IPO11: variants seen among roughly 807,000 people sequenced by gnomAD.
IPO11 encodes the protein importin-11.
In IPO11, 66 loss-of-function variants were observed where a neutral mutation model predicts 143.2. That is an observed-to-expected ratio of 0.46 (90% CI 0.38 to 0.57). The LOEUF (loss-of-function observed/expected upper bound fraction) is 0.57, where lower values mean the gene tolerates loss of function less well. IPO11 is among the 20% of genes least tolerant of loss of function. IPO11 has a pLI of 0.00. For synonymous variants in IPO11, 385 were observed against 377.8 expected, an observed-to-expected ratio of 1.02 and a Z score of -0.22; for missense variants, 1,026 against 1,141.0, an observed-to-expected ratio of 0.90 and a Z score of 1.45.
At chr5:62,610,015 G>T (rs1745872221) in intron 29 of IPO11, among the ~76,000 whole-genome samples, 1 of 152,218 alleles carries the variant, frequency 6.6e-6, no homozygotes, top group African/African-American at 2.4e-5. Flanking sequence ...GCACTGCCTA[G>T]CTCTCAGGAG....
At chr5:62,590,428 C>T (rs1744966729) in intron 27 of IPO11, among the ~76,000 whole-genome samples, 1 of 152,054 alleles carries the variant, frequency 6.6e-6, no homozygotes, top group Non-Finnish European at 1.5e-5. Context: ...TGTTTAGTCT[C>T]TTAAATTACC....
chr5:62,536,702 A>G lies in IPO11; in HGVS notation c.2090A>G (p.Glu697Gly). 1 of 1,574,452 alleles carries G rather than the reference A, an allele frequency of 6.4e-7. No homozygotes were observed. Among genetic ancestry groups the G allele is most frequent in the Non-Finnish European group, 8.6e-7 (1 of 1,167,186 alleles). Residue 697 changes from glutamate (E) to glycine (G), a missense_variant and splice_region_variant, in exon 23 of 30, where the codon GAA becomes GGA. Glu to Gly is a moderately conservative substitution (Grantham distance 98). Transcript: ENST00000325324. The part of the protein sequence containing the change: ...RIFQNMSPLL[E>G]LSSENLRTCF... ...TGTTTGACATTTATTGTTTTGGCAG[A>G]ACTAAGTTCAGAAAATCTTAGAACT...
Position 62,522,612 on chromosome 5 carries a change from G to A in IPO11, c.1897-3530G>A, listed in dbSNP as rs139335842. ...AATTGTGTGTTTTTCTTTTAGGATG[G>A]TCTGGTTGGGTTTTGTAGGAGAATG... is the stretch of plus-strand genomic sequence containing the variant. On this transcript the variant is annotated intron_variant, in intron 20 of 29. Coordinates refer to ENST00000325324, the MANE Select transcript of IPO11 (RefSeq NM_016338.5). Among the ~76,000 whole-genome samples, 607 of 152,196 alleles carry A rather than the reference G, an allele frequency of 4.0e-3. 9 individuals are homozygous for A. Among genetic ancestry groups the A allele is most frequent in the African/African-American group, 0.014 (592 of 41,528 alleles).
chr5:62,483,806 T>C (rs1746300825), intron 10 of IPO11, among the ~76,000 whole-genome samples: 1 of 152,190 alleles, frequency 6.6e-6, no homozygotes, highest in African/African-American at 2.4e-5. Context: ...TGGTAATATA[T>C]AAGCTGTAAT....
At chr5:62,541,218 A>G (rs902109829) in intron 24 of IPO11, among the ~76,000 whole-genome samples, 3 of 151,816 alleles carry the variant, frequency 2.0e-5, no homozygotes, top group African/African-American at 7.3e-5. Context: ...CTAAAAATAC[A>G]AAATTAGCCG....
At chr5:62,475,509 C>T (rs962219493) in intron 8 of IPO11, among the ~76,000 whole-genome samples, 1 of 151,742 alleles carries the variant, frequency 6.6e-6, no homozygotes, top group African/African-American at 2.4e-5. Context: ...AACCCCATCT[C>T]AAGAAAAAAA....
intron 5 of IPO11, among the ~76,000 whole-genome samples, chr5:62,455,736 T>C (rs1745121742): frequency 6.6e-6 from 1 of 151,976 alleles, no homozygotes; most frequent in Non-Finnish European, 1.5e-5. Context: ...AAATTGAGCT[T>C]GATTTGACAC....
At chr5:62,519,096 GGTGTTGTTAAATA>G (rs571124811) in intron 20 of IPO11, among the ~76,000 whole-genome samples, 161 of 152,168 alleles carry the variant, frequency 1.1e-3, no homozygotes, top group African/African-American at 3.6e-3. Context: ...CTCAAATTTT[GGTGTTGTTAAATA>G]GTGTTGTTAA....
intron 29 of IPO11, among the ~76,000 whole-genome samples, chr5:62,623,614 A>G (rs1054097139): frequency 2.4e-4 from 35 of 148,626 alleles, no homozygotes; most frequent in Non-Finnish European, 4.0e-4. Context: ...GGCTATTTCT[A>G]TGGGTATTTC....
intron 5 of IPO11, among the ~76,000 whole-genome samples, chr5:62,459,785 ATGGTCTGCCAGCCT>A (rs1264817015): frequency 6.6e-6 from 1 of 152,144 alleles, no homozygotes; most frequent in Non-Finnish European, 1.5e-5. Flanking sequence ...TCCTGAGCTT[ATGGTCTGCCAGCCT>A]TGGCCTCCCA....
chr5:62,596,762 C>T (rs1158801316), intron 28 of IPO11, among the ~76,000 whole-genome samples: 10 of 151,798 alleles, frequency 6.6e-5, no homozygotes, highest in African/African-American at 2.4e-4. Flanking sequence ...CAGTTTTCCC[C>T]CTCTGATCCA....
chr5:62,445,890 T>A (rs1441245510), intron 3 of IPO11, among the ~76,000 whole-genome samples: 1 of 152,194 alleles, frequency 6.6e-6, no homozygotes, highest in Non-Finnish European at 1.5e-5. Context: ...TAGATAGTCA[T>A]TGTACACTTT....
At chr5:62,553,142 C>G (rs1743447500) in intron 26 of IPO11, among the ~76,000 whole-genome samples, 1 of 152,132 alleles carries the variant, frequency 6.6e-6, no homozygotes, top group African/African-American at 2.4e-5. Flanking sequence ...CTAGTAACCA[C>G]TATTCTACTT....
intron 26 of IPO11, 136 bp from the exon 27 acceptor site, chr5:62,561,000 G>A (rs1363662433): frequency 1.3e-5 from 9 of 690,018 alleles, no homozygotes; most frequent in Non-Finnish European, 2.0e-5. Context: ...CTTAACCCCA[G>A]TTCAGGTATT....
At chr5:62,515,549 A>C (rs944995666) in intron 20 of IPO11, 48 bp downstream of exon 20, 1 of 1,233,568 alleles carries the variant, frequency 8.1e-7, no homozygotes, top group Non-Finnish European at 1.1e-6. Context: ...GTTTTTAAAA[A>C]ATTCTTTTAA....
At chr5:62,511,013 C>T (rs1171302490) in intron 19 of IPO11, among the ~76,000 whole-genome samples, 4 of 152,236 alleles carry the variant, frequency 2.6e-5, no homozygotes, top group Non-Finnish European at 4.4e-5. Context: ...GGATTACAGG[C>T]GTGAACCACT....
At chr5:62,543,848 C>G (rs1446245693) in intron 24 of IPO11, among the ~76,000 whole-genome samples, 1 of 152,108 alleles carries the variant, frequency 6.6e-6, no homozygotes, top group Non-Finnish European at 1.5e-5. Flanking sequence ...TGTCTACACG[C>G]TGCTTTAAAT....
At chr5:62,466,748 T>A (rs1387627251) in intron 5 of IPO11, among the ~76,000 whole-genome samples, 1 of 152,228 alleles carries the variant, frequency 6.6e-6, no homozygotes, top group Admixed American at 6.5e-5. Flanking sequence ...TCTTCATATA[T>A]TGATTTATCT....
chr5:62,505,695 G>GC (rs1741531727), intron 18 of IPO11, among the ~76,000 whole-genome samples: 1 of 151,740 alleles, frequency 6.6e-6, no homozygotes, highest in Non-Finnish European at 1.5e-5. Flanking sequence ...CCAGACATAG[G>GC]GTATTTGTTT....
Sources: allele counts gnomAD v4.1 joint callset (sites outside exome capture counted in the v4.1 genomes callset), GRCh38; gene constraint gnomAD v4.1.1; transcripts MANE v1.5; gene names NCBI Gene and HGNC (gene_info 2026-07-23, HGNC 2026-07-21).